RIF1: variants seen among roughly 807,000 people sequenced by gnomAD.
The protein encoded by RIF1 is telomere-associated protein RIF1.
In RIF1, 45 loss-of-function variants were observed where a neutral mutation model predicts 247.1. That is an observed-to-expected ratio of 0.18 (90% CI 0.14 to 0.23). The LOEUF is 0.23. RIF1 is among the 10% of genes least tolerant of loss of function. RIF1 has a pLI of 1.00. For synonymous variants in RIF1, 1,087 were observed against 978.8 expected (o/e 1.11, Z -2.06); for missense variants, 2,967 against 2,862.5 (o/e 1.04, Z -0.83).
At chr2:151,441,276 G>A (rs1692254747) in intron 15 of RIF1, among the ~76,000 whole-genome samples, 1 of 152,144 alleles carries the variant, frequency 6.6e-6, no homozygotes, top group Non-Finnish European at 1.5e-5. Flanking sequence ...GGTAGGCTCA[G>A]TCAGTTTGAT....
At chr2:151,508,021 T>C, downstream of RIF1, 1 of 1,608,442 alleles carries the variant, frequency 6.2e-7, no homozygotes, top group Non-Finnish European at 8.5e-7. Flanking sequence ...GAAGTTCTTT[T>C]GGTTCTCCCG....
At chr2:151,490,351 A>G (rs187316268) in intron 9 of RIF1, 10 of 1,581,580 alleles carry the variant, frequency 6.3e-6, no homozygotes, top group Non-Finnish European at 8.6e-6. Flanking sequence ...GACTGCCAAA[A>G]TCAGCGCCAG....
intron 8 of RIF1, among the ~76,000 whole-genome samples, chr2:151,424,749 A>G (rs1573909420): frequency 6.7e-6 from 1 of 148,864 alleles, no homozygotes; most frequent in African/African-American, 2.5e-5. Context: ...GCTCACTGCA[A>G]CCTCTGTCTC....
At chr2:151,430,675 CT>C (rs1240263593) in intron 9 of RIF1, among the ~76,000 whole-genome samples, 2 of 151,548 alleles carry the variant, frequency 1.3e-5, no homozygotes, top group Admixed American at 6.6e-5. Context: ...GTTTCCCCCC[CT>C]CCCCCCACTT....
chr2:151,438,617 A>G, intron 13 of RIF1, 67 bp from the exon 14 acceptor site: 1 of 950,516 alleles, frequency 1.1e-6, no homozygotes, highest in South Asian at 1.3e-5. Context: ...GTAAAGGGAG[A>G]GTGTTAGTCA....
At chr2:151,435,793 A>G (rs1325203214) in intron 11 of RIF1, among the ~76,000 whole-genome samples, 1 of 150,538 alleles carries the variant, frequency 6.6e-6, no homozygotes, top group African/African-American at 2.4e-5. Context: ...ATTACTGATT[A>G]CTGTTGTAAG....
At chr2:151,512,540 G>A (rs148442805), downstream of RIF1, among the ~76,000 whole-genome samples, 40 of 151,758 alleles carry the variant, frequency 2.6e-4, no homozygotes, top group East Asian at 1.6e-3. Context: ...TCTCAAACTC[G>A]TGGACTTAAA....
In RIF1 at chr2:151,468,496, G is replaced by T; in HGVS notation, c.6770G>T (p.Gly2257Val). Residue 2257 changes from glycine to valine, a missense_variant, in exon 32 of 36, where the codon GGA becomes GTA. By Grantham distance (109) the Gly-to-Val change is moderately radical. This residue lies in a region of RIF1 where 2,028 missense variants were observed against 1,825.6 expected (regional missense o/e 1.11). Transcript: ENST00000444746. ...QSKHNTTSAK[G>V]FLSPGSRSPK... ...TAGCATAATACCACTTCAGCCAAAGGATTTCTGTCCCCAGGATCACGTAGC... is the reference window on the plus strand; with the variant it reads ...TAGCATAATACCACTTCAGCCAAAGTATTTCTGTCCCCAGGATCACGTAGC... 1 of 1,613,322 alleles carries T rather than the reference G, an allele frequency of 6.2e-7. No homozygotes were observed. Among genetic ancestry groups the T allele is most frequent in the Non-Finnish European group, 8.5e-7 (1 of 1,179,386 alleles).
At chr2:151,519,696 A>G in the RIF1 span, 1 of 1,613,188 alleles carries the variant, frequency 6.2e-7, no homozygotes, top group Admixed American at 1.7e-5. Flanking sequence ...ATGACTTTGT[A>G]GAGCTGGCTG....
At chr2:151,453,330 A>G (rs891132871) in intron 21 of RIF1, among the ~76,000 whole-genome samples, 20 of 152,202 alleles carry the variant, frequency 1.3e-4, no homozygotes, top group Non-Finnish European at 2.8e-4. Flanking sequence ...TAATACCAGC[A>G]CTTTGAGAGG....
the RIF1 span, among the ~76,000 whole-genome samples, chr2:151,515,828 C>T: frequency 2.6e-5 from 4 of 152,198 alleles, no homozygotes; most frequent in African/African-American, 9.6e-5. Flanking sequence ...GAAAGCTCCA[C>T]AAACTGCTGC....
chr2:151,453,448 G>A (rs1438758279), intron 21 of RIF1, among the ~76,000 whole-genome samples: 4 of 151,886 alleles, frequency 2.6e-5, no homozygotes, highest in Admixed American at 6.6e-5. Flanking sequence ...ATGGTGGTGC[G>A]CGCCTGTAGT....
In RIF1 at chr2:151,420,299, A is replaced by G. The variant is rs751438266; in HGVS notation, c.613A>G (p.Thr205Ala). The stretch of plus-strand genomic sequence containing the variant: ...ACAAAAGGTACATTTGCGGGGAGCA[A>G]CTGCTCTGGAGATGGGAATGCCATT... ...SAQKVHLRGA[T>A]ALEMGMPLLL... is the part of the protein sequence containing the mutation. The change falls in exon 7 of 36, where the codon ACT becomes GCT. Residue 205 changes from threonine to alanine, a missense_variant. Physicochemically the swap from Thr to Ala is moderately conservative, Grantham distance 58 (BLOSUM62 0). Coordinates refer to ENST00000444746, the MANE Select transcript of RIF1 (RefSeq NM_018151.5). 3.4e-5 allele frequency: 55 copies of G among 1,614,058 alleles called. No individual in the cohort carries two copies. The East Asian group carries it at 4.2e-4, about 12-fold the overall frequency.
At chr2:151,431,748 A>G (rs751767130) in intron 9 of RIF1, among the ~76,000 whole-genome samples, 4 of 151,982 alleles carry the variant, frequency 2.6e-5, no homozygotes, top group African/African-American at 7.2e-5. Context: ...ATTGCACTCC[A>G]GCCTGGGCAA....
intron 9 of RIF1, among the ~76,000 whole-genome samples, chr2:151,488,033 T>G (rs906510703): frequency 1.3e-5 from 2 of 152,184 alleles, no homozygotes; most frequent in African/African-American, 4.8e-5. Flanking sequence ...GCACTTTTAT[T>G]TTTATATTCC....
rs1692746394 is a variant in RIF1, at chr2:151,443,667, G to A, written c.1944G>A (p.Met648Ile). 5.0e-6 allele frequency: 8 copies of A among 1,611,020 alleles called. No individual in the cohort carries two copies. The highest frequency in any genetic ancestry group is 5.9e-6 in the Non-Finnish European group (7 of 1,179,042). ...QLENKEHLWKMWSVIVTPLTE... is the reference protein window; with the variant it reads ...QLENKEHLWKIWSVIVTPLTE... ...AAAATAAGGAGCATCTCTGGAAAATGTGGAGTGTTATAGTCACCCCATTAA... is the reference window on the plus strand; with the variant it reads ...AAAATAAGGAGCATCTCTGGAAAATATGGAGTGTTATAGTCACCCCATTAA... The change falls in exon 18 of 36, where the codon ATG becomes ATA. Residue 648 changes from methionine to isoleucine, a missense_variant. Transcript: ENST00000444746.
chr2:151,410,743 G>T (rs975542637), intron 2 of RIF1, among the ~76,000 whole-genome samples: 5 of 152,188 alleles, frequency 3.3e-5, no homozygotes, highest in African/African-American at 1.2e-4. Flanking sequence ...TGTTTGGAAC[G>T]AGGGAGCATG....
chr2:151,417,024 G>T (rs1573861854), intron 6 of RIF1, 123 bp downstream of exon 6: 3 of 663,976 alleles, frequency 4.5e-6, no homozygotes, highest in South Asian at 4.0e-5. Context: ...TACACCAAAC[G>T]ACTCAAGGAC....
the RIF1 span, chr2:151,526,011 G>C: frequency 1.1e-4 from 174 of 1,614,000 alleles, no homozygotes; most frequent in Middle Eastern, 4.9e-4. Flanking sequence ...CGGGTCTCTG[G>C]TAGTGTTGTG....
Sources: allele counts gnomAD v4.1 joint callset (sites outside exome capture counted in the v4.1 genomes callset), GRCh38; gene constraint gnomAD v4.1.1; regional missense constraint gnomAD v4.1.1; transcripts MANE v1.5; gene names NCBI Gene and HGNC (gene_info 2026-07-23, HGNC 2026-07-21).